Variants in IRAG1 observed in about 807,000 individuals in gnomAD.
The protein encoded by IRAG1 is inositol 1,4,5-triphosphate receptor associated 1, also known as IP3R-associated cGMP kinase substrate.
IRAG1 carries 62 observed loss-of-function variants against 106.2 expected under a neutral mutation model. That is an observed-to-expected ratio of 0.58 (90% CI 0.48 to 0.72). The LOEUF is 0.72. IRAG1 is among the 30% of genes least tolerant of loss of function. The pLI is 0.00. For synonymous variants in IRAG1, 462 were observed against 443.9 expected, an observed-to-expected ratio of 1.04 and a Z score of -0.51; for missense variants, 1,064 against 1,140.7, an observed-to-expected ratio of 0.93 and a Z score of 0.97.
chr11:10,592,858 C>T (rs1248149303), intron 17 of IRAG1, among the ~76,000 whole-genome samples: 1 of 152,152 alleles, frequency 6.6e-6, no homozygotes, highest in Non-Finnish European at 1.5e-5. Context: ...TGTCTACACA[C>T]AGAAACACAC....
chr11:10,660,018 C>A (rs1327509767), intron 1 of IRAG1, among the ~76,000 whole-genome samples: 1 of 152,180 alleles, frequency 6.6e-6, no homozygotes, highest in African/African-American at 2.4e-5. Context: ...CATGGAGGAT[C>A]AGGAACTGTC....
In IRAG1 at chr11:10,626,368, C is replaced by A. The variant is rs955412008; in HGVS notation, c.966G>T (p.Gln322His). The change falls in exon 9 of 21, where the codon CAG (glutamine) becomes CAT (histidine). Residue 322 changes from glutamine to histidine, a missense_variant. Coordinates refer to ENST00000423302, the MANE Select transcript of IRAG1 (RefSeq NM_130385.4). Reference sequence around the variant, plus strand: ...CCAGCTCGCTCTCCACGGGGCCAGGCTGAGGGCTGTTCAGGGCCATTTTCC... The same window carrying A: ...CCAGCTCGCTCTCCACGGGGCCAGGATGAGGGCTGTTCAGGGCCATTTTCC... ...SSGKMALNSP[Q>H]PGPVESELGK... 5.6e-6 allele frequency: 9 copies of A among 1,613,734 alleles called. No individual in the cohort carries two copies. Among genetic ancestry groups the A allele is most frequent in the Middle Eastern group, 1.6e-4 (1 of 6,082 alleles).
At chr11:10,688,751 T>C (rs1280695155) in intron 1 of IRAG1, among the ~76,000 whole-genome samples, 1 of 152,210 alleles carries the variant, frequency 6.6e-6, no homozygotes, top group East Asian at 1.9e-4. Context: ...CTGACTCATT[T>C]ATACACTATG....
At chr11:10,642,921 T>G (rs939652914) in intron 2 of IRAG1, among the ~76,000 whole-genome samples, 2 of 151,742 alleles carry the variant, frequency 1.3e-5, no homozygotes, top group African/African-American at 2.4e-5. Context: ...TCCCAGCACT[T>G]TGGGAGGCCG....
intron 1 of IRAG1, among the ~76,000 whole-genome samples, chr11:10,689,385 T>C (rs115867566): frequency 6.6e-6 from 1 of 152,182 alleles, no homozygotes; most frequent in African/African-American, 2.4e-5. Context: ...CTCTCCTTCA[T>C]TCAAAGGAAT....
chr11:10,615,703 G>A (rs1855342586), intron 10 of IRAG1, among the ~76,000 whole-genome samples: 1 of 151,952 alleles, frequency 6.6e-6, no homozygotes, highest in Admixed American at 6.6e-5. Flanking sequence ...AACACCGCAT[G>A]TTCTCACTCA....
chr11:10,603,088 A>AGTT (rs1292377236), intron 14 of IRAG1, 32 bp downstream of exon 14: 2 of 1,598,322 alleles, frequency 1.3e-6, no homozygotes, highest in Non-Finnish European at 1.7e-6. Context: ...GGTGGAACAG[A>AGTT]GTTGGCAAGA....
rs548971189 is a variant in IRAG1 at position 10,675,040 on chromosome 11, G to A, written c.67+18496C>T. The stretch of plus-strand genomic sequence containing the variant: ...AGTGACCCGGAGCAGGAAGGAATGG[G>A]CACCGCCCTGCAGATTCTGGGCAGG... On this transcript the variant is annotated intron_variant, in intron 1 of 20. Coordinates refer to ENST00000423302, the MANE Select transcript of IRAG1 (RefSeq NM_130385.4). Among the ~76,000 whole-genome samples the A allele has an allele frequency of 4.6e-5, 7 of 152,336 alleles. No individual in the cohort carries two copies. The East Asian group carries it at 1.4e-3, about 29-fold the overall frequency.
intron 1 of IRAG1, among the ~76,000 whole-genome samples, chr11:10,688,181 T>G (rs759288381): frequency 8.6e-5 from 13 of 151,810 alleles, no homozygotes; most frequent in Non-Finnish European, 1.5e-4. Context: ...GAGAAGAAAC[T>G]GAAGCGCCAA....
At chr11:10,679,025 C>A (rs1435297269) in intron 1 of IRAG1, among the ~76,000 whole-genome samples, 11 of 152,132 alleles carry the variant, frequency 7.2e-5, no homozygotes, top group Non-Finnish European at 4.4e-5. Context: ...TCCCTTGGAC[C>A]AAGGGGTCCC....
intron 10 of IRAG1, among the ~76,000 whole-genome samples, chr11:10,616,084 T>C (rs1219133639): frequency 6.6e-6 from 1 of 151,172 alleles, no homozygotes; most frequent in Non-Finnish European, 1.5e-5. Flanking sequence ...GGCGGGCGGA[T>C]CACGAGGTCA....
chr11:10,594,383 T>A (rs1853036481), intron 15 of IRAG1, among the ~76,000 whole-genome samples, 188 bp from the exon 16 acceptor site: 1 of 152,106 alleles, frequency 6.6e-6, no homozygotes, highest in Non-Finnish European at 1.5e-5. Context: ...AGTGGGGGCT[T>A]TTTTTGGACA....
chr11:10,574,445 G>A lies in IRAG1; in HGVS notation c.*1887C>T, dbSNP rs1051757703. ...TCTTGTCTTTGAGGAAAAATGCTAG[G>A]GGAGATGGATACATAAATAGGCCAT... is the stretch of plus-strand genomic sequence containing the variant. On this transcript the variant is annotated 3_prime_UTR_variant, in exon 21 of 21. Transcript: ENST00000423302. The A allele has an allele frequency of 6.6e-6, 1 of 152,062 alleles. No homozygotes were observed. Among genetic ancestry groups the A allele is most frequent in the African/African-American group, 2.4e-5 (1 of 41,390 alleles). 9.4% of individuals were successfully genotyped at this position (152,062 alleles called of 1,614,324 possible).
At chr11:10,692,072 T>C (rs1211585438) in intron 1 of IRAG1, among the ~76,000 whole-genome samples, 1 of 152,166 alleles carries the variant, frequency 6.6e-6, no homozygotes, top group South Asian at 2.1e-4. Flanking sequence ...AATCATGTAG[T>C]AGCAGCTAGC....
intron 4 of IRAG1, 43 bp from the exon 5 acceptor site, chr11:10,629,754 T>C (rs1442982651): frequency 2.5e-6 from 4 of 1,591,686 alleles, no homozygotes; most frequent in Non-Finnish European, 3.4e-6. Flanking sequence ...ACTGCATCCG[T>C]GGCCCCAGGC....
At position 10,628,081 on chromosome 11, in the gene IRAG1, G is replaced by A. The variant is rs776968605; in HGVS notation, c.653-56C>T. The A allele has an allele frequency of 2.1e-5, 34 of 1,589,460 alleles. No homozygotes were observed. The African/African-American group carries it at 2.7e-4, about 13-fold the overall frequency. On this transcript the variant is annotated intron_variant, in intron 6 of 20. Transcript: ENST00000423302. This position sits in a 1 kb window ranked among gnomAD's most constrained non-coding sequence, Gnocchi z 4.1. ...CCCAGCAGCCCAGGCCCTCAGCTGTGCTTTCAGCCACATCTCCCTCCCCGG... is the reference window on the plus strand; with the variant it reads ...CCCAGCAGCCCAGGCCCTCAGCTGTACTTTCAGCCACATCTCCCTCCCCGG...
chr11:10,600,665 ATGGTCAGCCAC>A (rs1853894772), intron 15 of IRAG1, among the ~76,000 whole-genome samples: 1 of 152,176 alleles, frequency 6.6e-6, no homozygotes, highest in Non-Finnish European at 1.5e-5. Flanking sequence ...CTTTGTATCC[ATGGTCAGCCAC>A]TGTGATTTAT....
chr11:10,643,083 G>A (rs1857644465), intron 2 of IRAG1, among the ~76,000 whole-genome samples: 1 of 149,248 alleles, frequency 6.7e-6, no homozygotes, highest in South Asian at 2.1e-4. Context: ...GCTGAGGCGG[G>A]AGAATGGCGT....
chr11:10,575,695 T>C lies in IRAG1; in HGVS notation c.*637A>G, dbSNP rs1257147619. ...GTGTATGTGTGGACAGATGCGTATA[T>C]AATAATTCATATCTTCCCATTTCAA... On this transcript the variant is annotated 3_prime_UTR_variant, in exon 21 of 21. Transcript: ENST00000423302. 1 of 159,100 alleles carries C rather than the reference T, an allele frequency of 6.3e-6. No homozygotes were observed. The highest frequency in any genetic ancestry group is 1.4e-5 in the Non-Finnish European group (1 of 71,542). 9.9% of individuals were successfully genotyped at this position (159,100 alleles called of 1,614,324 possible).
Sources: gnomAD v4.1 joint callset for allele counts (sites outside exome capture counted in the v4.1 genomes callset) on GRCh38, gnomAD v4.1.1 for gene constraint, Gnocchi (gnomAD v3.1) non-coding constraint, MANE v1.5 for transcripts, NCBI Gene and HGNC (gene_info 2026-07-23, HGNC 2026-07-21) for gene names.